Variants in DIS3L2 observed in about 807,000 individuals in gnomAD.
The protein encoded by DIS3L2 is DIS3 like 3'-5' exoribonuclease 2.
Under a neutral mutation model 97.5 loss-of-function variants are expected in DIS3L2, and 34 were observed. That is an observed-to-expected ratio of 0.35 (90% CI 0.27 to 0.46). The LOEUF is 0.46. Ranked by LOEUF, DIS3L2 falls within the 20% of genes least tolerant of loss-of-function variation. The pLI is 1.00. For missense variants in DIS3L2, 1,038 were observed against 1,146.0 expected, an observed-to-expected ratio of 0.91 and a Z score of 1.36; for synonymous variants, 435 against 445.2, an observed-to-expected ratio of 0.98 and a Z score of 0.29.
intron 5 of DIS3L2, among the ~76,000 whole-genome samples, chr2:232,085,709 C>T (rs1376724499): frequency 1.3e-5 from 2 of 152,170 alleles, no homozygotes; most frequent in African/African-American, 2.4e-5. Flanking sequence ...GACTCAATAA[C>T]ACCTGGTGTA....
At chr2:232,079,377 A>G (rs998907288) in intron 5 of DIS3L2, among the ~76,000 whole-genome samples, 1 of 151,996 alleles carries the variant, frequency 6.6e-6, no homozygotes, top group Non-Finnish European at 1.5e-5. Context: ...CGGGCAGATC[A>G]CAAGGTCACC....
intron 13 of DIS3L2, among the ~76,000 whole-genome samples, chr2:232,265,229 A>G (rs1559182401): frequency 2.6e-5 from 4 of 152,148 alleles, no homozygotes; most frequent in African/African-American, 7.2e-5. Context: ...CATCTCCAGT[A>G]ATGTCCTGCT....
intron 10 of DIS3L2, among the ~76,000 whole-genome samples, chr2:232,215,897 T>C (rs1692319381): frequency 6.6e-6 from 1 of 152,178 alleles, no homozygotes; most frequent in Middle Eastern, 3.2e-3. Flanking sequence ...GGTTCGTGCA[T>C]GTCTCTAGCA....
At chr2:232,303,154 T>C (rs2106324242) in intron 14 of DIS3L2, among the ~76,000 whole-genome samples, 1 of 152,204 alleles carries the variant, frequency 6.6e-6, no homozygotes, top group Admixed American at 6.5e-5. Flanking sequence ...CTGGTGTGCC[T>C]GCCGTTCACA....
intron 14 of DIS3L2, among the ~76,000 whole-genome samples, chr2:232,301,858 T>C (rs77568098): frequency 6.9e-6 from 1 of 145,500 alleles, no homozygotes; most frequent in Non-Finnish European, 1.5e-5. Context: ...TTTTTTTTTT[T>C]AATAGAAACA....
chr2:231,966,957 C>T (rs1215351306), intron 1 of DIS3L2, among the ~76,000 whole-genome samples: 8 of 152,246 alleles, frequency 5.3e-5, no homozygotes, highest in Non-Finnish European at 8.8e-5. Context: ...GTAGTTATTA[C>T]GTGACCAGTT....
At chr2:232,035,627 A>G (rs1694930178) in intron 5 of DIS3L2, among the ~76,000 whole-genome samples, 1 of 152,034 alleles carries the variant, frequency 6.6e-6, no homozygotes, top group African/African-American at 2.4e-5. Context: ...GTTTTTTTGC[A>G]GTGGCTGGTA....
chr2:232,329,788 C>CCGGGGGGCG, intron 14 of DIS3L2, 25 bp from the exon 15 acceptor site: 5 of 1,080,634 alleles, frequency 4.6e-6, no homozygotes, highest in Non-Finnish European at 6.4e-6. Context: ...CCAGCGGTCC[C>CCGGGGGGCG]TCCCATCCCA....
At position 231,998,331 on chromosome 2, in the gene DIS3L2, T is replaced by A. The variant is rs544416649; in HGVS notation, c.-93-16504T>A. On this transcript the variant is annotated intron_variant, in intron 1 of 20. Transcript: ENST00000325385. ...CTCACTTTTATCAGGAACTCATTTC[T>A]GTGATAATAGCATTAATTCATTCAC... Among the ~76,000 whole-genome samples, 19 of 152,356 alleles carry A rather than the reference T, an allele frequency of 1.2e-4. No individual in the cohort carries two copies. The South Asian group carries it at 3.9e-3, about 32-fold the overall frequency.
chr2:232,031,097 T>A (rs1035896353), intron 5 of DIS3L2, among the ~76,000 whole-genome samples: 8 of 152,164 alleles, frequency 5.3e-5, no homozygotes, highest in Non-Finnish European at 8.8e-5. Context: ...AAAATGGGAA[T>A]AATCATGGTA....
chr2:232,095,971 C>CT (rs1696996001), intron 6 of DIS3L2, among the ~76,000 whole-genome samples: 2 of 150,486 alleles, frequency 1.3e-5, no homozygotes, highest in African/African-American at 2.4e-5. Flanking sequence ...TCTCTCTTTT[C>CT]TTTTCTTTTT....
At chr2:232,132,245 C>T (rs116432860) in intron 7 of DIS3L2, among the ~76,000 whole-genome samples, 528 of 152,172 alleles carry the variant, frequency 3.5e-3, no homozygotes, top group African/African-American at 0.012. Flanking sequence ...CACTTGCCTG[C>T]GAAACTTATG....
chr2:232,176,645 G>A (rs1206373952), intron 9 of DIS3L2, among the ~76,000 whole-genome samples: 4 of 151,606 alleles, frequency 2.6e-5, no homozygotes, highest in Non-Finnish European at 4.4e-5. Flanking sequence ...CTGGAGTGCA[G>A]TTGTGCAATC....
intron 10 of DIS3L2, among the ~76,000 whole-genome samples, chr2:232,237,227 C>A (rs1318344633): frequency 6.6e-6 from 1 of 152,076 alleles, no homozygotes; most frequent in African/African-American, 2.4e-5. Context: ...AAGAATAAAT[C>A]TTAAGTTTAT....
rs144246457 is a variant in DIS3L2, at chr2:232,332,467, C to T, written c.2011-1373C>T. 7.0e-3 allele frequency among the ~76,000 whole-genome samples: 1,059 copies of T among 151,232 alleles called. 6 individuals are homozygous for T. The highest frequency in any genetic ancestry group is 0.018 in the South Asian group (87 of 4,818). On this transcript the variant is annotated intron_variant, in intron 16 of 20. Transcript: ENST00000325385. ...CAAGGGAGCCAGAGAGACATACAGG[C>T]GTGACCTTGGACCTCTGCGAGGAAC...
At chr2:232,002,089 A>G (rs72985701) in intron 1 of DIS3L2, among the ~76,000 whole-genome samples, 70 of 152,276 alleles carry the variant, frequency 4.6e-4, no homozygotes, top group African/African-American at 1.5e-3. Context: ...TTCTTCTGCA[A>G]ATAGAAATCC....
At chr2:232,174,236 T>C (rs2106176126) in intron 9 of DIS3L2, among the ~76,000 whole-genome samples, 1 of 152,308 alleles carries the variant, frequency 6.6e-6, no homozygotes, top group East Asian at 1.9e-4. Flanking sequence ...TTATTGCTAA[T>C]GTTTAGAAAT....
intron 7 of DIS3L2, 113 bp downstream of exon 7, chr2:232,130,832 T>A (rs1006959555): frequency 2.9e-6 from 4 of 1,361,950 alleles, no homozygotes; most frequent in Non-Finnish European, 3.8e-6. Context: ...TCAGAAAAGT[T>A]AGAGCAGAGA....
chr2:232,213,921 G>A (rs1478559026), intron 10 of DIS3L2, among the ~76,000 whole-genome samples: 1 of 152,032 alleles, frequency 6.6e-6, no homozygotes, highest in Non-Finnish European at 1.5e-5. Context: ...GCGGAGGAGA[G>A]GGTGCCACCT....
Sources: gnomAD v4.1 joint callset for allele counts (sites outside exome capture counted in the v4.1 genomes callset) on GRCh38, gnomAD v4.1.1 for gene constraint, MANE v1.5 for transcripts, NCBI Gene and HGNC (gene_info 2026-07-23, HGNC 2026-07-21) for gene names.